SAMD4A: variants seen among roughly 807,000 people sequenced by gnomAD.
The protein encoded by SAMD4A is sterile alpha motif domain containing 4A.
SAMD4A carries 33 observed loss-of-function variants against 81.3 expected under a neutral mutation model. That is an observed-to-expected ratio of 0.41 (90% CI 0.31 to 0.54). SAMD4A has a LOEUF of 0.54. Among genes scored for constraint, SAMD4A ranks in the 20% least tolerant of loss-of-function variants. The probability of loss-of-function intolerance (pLI) is 0.37; values close to 1 mark genes in which losing one functional copy is unlikely to be tolerated. For missense variants in SAMD4A, 854 were observed against 951.1 expected (o/e 0.90, Z 1.34); for synonymous variants, 389 against 382.1 (o/e 1.02, Z -0.21).
intron 3 of SAMD4A, among the ~76,000 whole-genome samples, chr14:54,721,561 T>G (rs1007849246): frequency 6.6e-5 from 10 of 152,200 alleles, no homozygotes; most frequent in Admixed American, 5.9e-4. Flanking sequence ...TAACTCTCAT[T>G]ATCAATAGGA....
intron 4 of SAMD4A, among the ~76,000 whole-genome samples, chr14:54,744,618 C>A (rs992654630): frequency 1.3e-5 from 2 of 152,150 alleles, no homozygotes; most frequent in Non-Finnish European, 2.9e-5. Context: ...TGGGATGAGA[C>A]CCACTGATGT....
At chr14:54,688,414 G>A in intron 2 of SAMD4A, 1 of 957,108 alleles carries the variant, frequency 1.0e-6, no homozygotes, top group Non-Finnish European at 1.2e-6. Context: ...TTGTGAGGGT[G>A]TGAGCCTGTG....
chr14:54,605,801 A>G (rs771138333), intron 2 of SAMD4A, among the ~76,000 whole-genome samples: 2 of 151,970 alleles, frequency 1.3e-5, no homozygotes, highest in Non-Finnish European at 2.9e-5. Context: ...GCCTATATAT[A>G]TATATATGTA....
At chr14:54,621,979 G>A (rs560446284) in intron 2 of SAMD4A, among the ~76,000 whole-genome samples, 2 of 152,058 alleles carry the variant, frequency 1.3e-5, no homozygotes, top group African/African-American at 4.8e-5. Context: ...TGAAATTTAG[G>A]ACTAGAATAA....
At chr14:54,682,068 C>A (rs2036140447) in intron 2 of SAMD4A, 1 of 984,834 alleles carries the variant, frequency 1.0e-6, no homozygotes, top group South Asian at 4.7e-5. Flanking sequence ...GTAGGTATTT[C>A]ATTAGTGTGT....
chr14:54,778,659 G>GCAAGGTCTTAAAGATCCTCAC (rs1175089356), intron 11 of SAMD4A, among the ~76,000 whole-genome samples: 9 of 152,124 alleles, frequency 5.9e-5, no homozygotes, highest in Non-Finnish European at 1.0e-4. Flanking sequence ...CCCACTTCCA[G>GCAAGGTCTTAAAGATCCTCAC]CAAGGTCTTA....
chr14:54,711,543 A>G (rs1323448382), intron 3 of SAMD4A, among the ~76,000 whole-genome samples: 1 of 152,176 alleles, frequency 6.6e-6, no homozygotes, highest in East Asian at 1.9e-4. Flanking sequence ...TGATGGGTAC[A>G]TGAGACGTCT....
chr14:54,635,049 G>A (rs989077250), intron 2 of SAMD4A, among the ~76,000 whole-genome samples: 1 of 152,166 alleles, frequency 6.6e-6, no homozygotes, highest in Non-Finnish European at 1.5e-5. Flanking sequence ...AAGAACATTT[G>A]TAGATAAAAG....
At chr14:54,566,344 G>C (rs990750764), upstream of SAMD4A, among the ~76,000 whole-genome samples, 1 of 151,728 alleles carries the variant, frequency 6.6e-6, no homozygotes, top group Admixed American at 6.6e-5. Flanking sequence ...CTCGGCGGGG[G>C]ACCCGCGGGT....
At chr14:54,591,866 G>A (rs2033785873) in intron 2 of SAMD4A, among the ~76,000 whole-genome samples, 1 of 152,132 alleles carries the variant, frequency 6.6e-6, no homozygotes, top group Non-Finnish European at 1.5e-5. Context: ...GATTGCAGAG[G>A]GGGCCTGGAG....
chr14:54,678,660 T>A lies in SAMD4A; in HGVS notation c.197-23402T>A, dbSNP rs574424035. Among the ~76,000 whole-genome samples, 20 of 150,686 alleles carry A rather than the reference T, an allele frequency of 1.3e-4. No homozygotes were observed. In the South Asian group the frequency reaches 3.8e-3, roughly 28 times the overall value. Reference sequence around the variant, plus strand: ...GCCTCCCGGGTTCACGCCATTCTCCTGCCTCAGCCTCCTGAGTAGCTGGGA... The same window carrying A: ...GCCTCCCGGGTTCACGCCATTCTCCAGCCTCAGCCTCCTGAGTAGCTGGGA... On this transcript the variant is annotated intron_variant, in intron 2 of 12. Transcript: ENST00000554335.
At chr14:54,662,584 A>G (rs868399269) in intron 2 of SAMD4A, among the ~76,000 whole-genome samples, 7 of 146,758 alleles carry the variant, frequency 4.8e-5, no homozygotes, top group South Asian at 2.2e-4. Flanking sequence ...TAACTTTTGT[A>G]TTTTTTTTTT....
chr14:54,776,469 G>C lies in SAMD4A; in HGVS notation c.1973G>C (p.Ser658Thr). The C allele has an allele frequency of 6.3e-7, 1 of 1,596,188 alleles. No homozygotes were observed. The highest frequency in any genetic ancestry group is 1.1e-5 in the South Asian group (1 of 88,162). Residue 658 changes from serine to threonine, a missense_variant, in exon 11 of 13, where the codon AGC becomes ACC. Physicochemically the swap from Ser to Thr is moderately conservative, Grantham distance 58. This residue lies in a region of SAMD4A where 428 missense variants were observed against 471.2 expected (regional missense o/e 0.91). Coordinates refer to ENST00000554335, the MANE Select transcript of SAMD4A (RefSeq NM_015589.6). ...GSNSMPSRTHSSVQRTRSLPV... is the reference protein window; with the variant it reads ...GSNSMPSRTHTSVQRTRSLPV... ...AATAGCATGCCAAGCCGCACCCACA[G>C]CTCAGTCCAGAGGACCCGCTCGCTG...
At chr14:54,674,127 T>A (rs529479605) in intron 2 of SAMD4A, among the ~76,000 whole-genome samples, 75 of 152,362 alleles carry the variant, frequency 4.9e-4, no homozygotes, top group African/African-American at 1.8e-3. Flanking sequence ...GGCATTCTCA[T>A]TCTTTTCTCT....
At chr14:54,615,931 T>C (rs910483704) in intron 2 of SAMD4A, among the ~76,000 whole-genome samples, 2 of 150,572 alleles carry the variant, frequency 1.3e-5, no homozygotes, top group East Asian at 3.9e-4. Context: ...TAGAAGTGAG[T>C]GGGAAAAATT....
intron 2 of SAMD4A, among the ~76,000 whole-genome samples, chr14:54,679,734 G>T (rs1316008655): frequency 6.6e-6 from 1 of 152,174 alleles, no homozygotes; most frequent in Non-Finnish European, 1.5e-5. Context: ...CATTCCCAGA[G>T]CTAGAACCAA....
At chr14:54,648,965 A>G (rs556595507) in intron 2 of SAMD4A, among the ~76,000 whole-genome samples, 1 of 152,250 alleles carries the variant, frequency 6.6e-6, no homozygotes, top group Admixed American at 6.5e-5. Flanking sequence ...TTCTGGATAA[A>G]TTGTGAAGGC....
intron 3 of SAMD4A, among the ~76,000 whole-genome samples, chr14:54,717,266 C>T (rs527467309): frequency 1.3e-5 from 2 of 151,860 alleles, no homozygotes; most frequent in South Asian, 4.2e-4. Flanking sequence ...CATAGCTAGA[C>T]CCCTATCTCT....
intron 3 of SAMD4A, chr14:54,703,896 T>C (rs2036785550): frequency 6.6e-6 from 1 of 152,038 alleles, no homozygotes; most frequent in African/African-American, 2.4e-5. Flanking sequence ...GAATTGGCAG[T>C]GATGCCTTCT....
Sources: allele counts gnomAD v4.1 joint callset (sites outside exome capture counted in the v4.1 genomes callset), GRCh38; gene constraint gnomAD v4.1.1; regional missense constraint gnomAD v4.1.1; transcripts MANE v1.5; gene names NCBI Gene and HGNC (gene_info 2026-07-23, HGNC 2026-07-21).